KCNQ5: variants seen among roughly 807,000 people sequenced by gnomAD.
The protein encoded by KCNQ5 is potassium voltage-gated channel subfamily Q member 5.
Under a neutral mutation model 98.2 loss-of-function variants are expected in KCNQ5, and 30 were observed. The ratio of observed to expected loss-of-function variants is 0.31; its 90% CI spans 0.23 to 0.41. KCNQ5 has a LOEUF of 0.41. Ranked by LOEUF, KCNQ5 falls within the 10% of genes least tolerant of loss-of-function variation. The pLI is 1.00. For synonymous variants in KCNQ5, 458 were observed against 449.4 expected, an observed-to-expected ratio of 1.02 and a Z score of -0.24; for missense variants, 835 against 1,182.5, an observed-to-expected ratio of 0.71 and a Z score of 4.31.
intron 1 of KCNQ5, among the ~76,000 whole-genome samples, chr6:72,738,983 A>G (rs1770992263): frequency 6.6e-6 from 1 of 152,242 alleles, no homozygotes; most frequent in Non-Finnish European, 1.5e-5. Context: ...TGAATATGTT[A>G]TACATTTGTC....
At chr6:73,192,518 A>G in intron 12 of KCNQ5, 47 bp from the exon 13 acceptor site, 1 of 1,523,690 alleles carries the variant, frequency 6.6e-7, no homozygotes. Context: ...ACCTAGGGCA[A>G]TCTCCACCTT....
At chr6:72,935,828 A>T (rs1305979706) in intron 1 of KCNQ5, among the ~76,000 whole-genome samples, 1 of 152,134 alleles carries the variant, frequency 6.6e-6, no homozygotes, top group Non-Finnish European at 1.5e-5. Flanking sequence ...ATTCAATGAC[A>T]TCTCATCTGC....
chr6:73,111,835 G>C (rs1775254014), intron 7 of KCNQ5, among the ~76,000 whole-genome samples: 1 of 152,174 alleles, frequency 6.6e-6, no homozygotes. Flanking sequence ...TATTTGTTTA[G>C]AATGTCAAGG....
At chr6:72,963,118 A>G (rs1767453967) in intron 1 of KCNQ5, among the ~76,000 whole-genome samples, 1 of 152,242 alleles carries the variant, frequency 6.6e-6, no homozygotes, top group African/African-American at 2.4e-5. Flanking sequence ...CAGTTGGTTG[A>G]GTTTATGTGA....
chr6:72,999,233 A>G (rs1339935482), intron 1 of KCNQ5, among the ~76,000 whole-genome samples: 1 of 152,052 alleles, frequency 6.6e-6, no homozygotes, highest in African/African-American at 2.4e-5. Flanking sequence ...TTGATTCTTA[A>G]TTAACCCACA....
At chr6:72,816,857 A>G (rs903375063) in intron 1 of KCNQ5, among the ~76,000 whole-genome samples, 1 of 152,130 alleles carries the variant, frequency 6.6e-6, no homozygotes, top group African/African-American at 2.4e-5. Context: ...TCACAAGAGC[A>G]CTCCTCAAGG....
Position 73,157,661 on chromosome 6 carries a change from G to T in KCNQ5, c.1469-12085G>T, listed in dbSNP as rs138601734. 11 of 775,796 alleles carry T rather than the reference G, an allele frequency of 1.4e-5. No homozygotes were observed. The East Asian group carries it at 2.7e-4, about 19-fold the overall frequency. 48.1% of individuals were successfully genotyped at this position (775,796 alleles called of 1,614,324 possible). Reference sequence around the variant, plus strand: ...GGTGATGGCTGGGGTCAGCTCTGTGGTGTACAAAGGATAAGGGCCCAGGCC... The same window carrying T: ...GGTGATGGCTGGGGTCAGCTCTGTGTTGTACAAAGGATAAGGGCCCAGGCC... On this transcript the variant is annotated intron_variant, in intron 10 of 13. Transcript: ENST00000370398.
intron 2 of KCNQ5, among the ~76,000 whole-genome samples, chr6:73,021,659 T>G (rs1276955308): frequency 6.6e-6 from 1 of 152,196 alleles, no homozygotes; most frequent in Admixed American, 6.5e-5. Flanking sequence ...ATGAGTAGAT[T>G]CAGGTTTTTC....
intron 2 of KCNQ5, among the ~76,000 whole-genome samples, chr6:73,037,918 G>C (rs965335713): frequency 6.6e-6 from 1 of 152,014 alleles, no homozygotes; most frequent in African/African-American, 2.4e-5. Flanking sequence ...AAAAAACTTT[G>C]CTGAGATTTT....
At chr6:72,903,738 T>G (rs190333342) in intron 1 of KCNQ5, among the ~76,000 whole-genome samples, 42 of 152,322 alleles carry the variant, frequency 2.8e-4, no homozygotes, top group African/African-American at 1.0e-3. Flanking sequence ...TGAGGCTTGT[T>G]TGTGGCCTAT....
chr6:73,023,947 G>A (rs1312786083), intron 2 of KCNQ5, among the ~76,000 whole-genome samples: 1 of 152,122 alleles, frequency 6.6e-6, no homozygotes, highest in Non-Finnish European at 1.5e-5. Context: ...AAGGACAAAG[G>A]GATGGAATTC....
intron 5 of KCNQ5, among the ~76,000 whole-genome samples, chr6:73,082,750 C>T (rs547728534): frequency 6.6e-6 from 1 of 152,252 alleles, no homozygotes; most frequent in South Asian, 2.1e-4. Flanking sequence ...CACTGACTGG[C>T]CAGATTAACC....
chr6:72,736,402 T>G (rs1480594015), intron 1 of KCNQ5, among the ~76,000 whole-genome samples: 3 of 151,726 alleles, frequency 2.0e-5, no homozygotes, highest in Admixed American at 2.0e-4. Context: ...GAATATAAAT[T>G]GCTAAGAAAA....
intron 1 of KCNQ5, among the ~76,000 whole-genome samples, chr6:72,954,002 C>T (rs761846638): frequency 7.2e-5 from 11 of 152,144 alleles, no homozygotes; most frequent in South Asian, 2.1e-4. Context: ...AGAACAGAGG[C>T]GAAACTGAGT....
intron 7 of KCNQ5, among the ~76,000 whole-genome samples, chr6:73,116,293 C>A (rs1370612493): frequency 6.6e-6 from 1 of 152,018 alleles, no homozygotes; most frequent in African/African-American, 2.4e-5. Flanking sequence ...ATATCATTAT[C>A]GTTCAGGATA....
At chr6:72,666,191 C>T (rs1237395866) in intron 1 of KCNQ5, among the ~76,000 whole-genome samples, 1 of 148,090 alleles carries the variant, frequency 6.8e-6, no homozygotes, top group Non-Finnish European at 1.5e-5. Flanking sequence ...AGTTAAATAT[C>T]ATTCATTTTT....
rs552434638 is a variant in KCNQ5 at position 72,649,905 on chromosome 6, C to T, written c.398+27318C>T. Among the ~76,000 whole-genome samples, 5 of 152,162 alleles carry T rather than the reference C, an allele frequency of 3.3e-5. No homozygotes were observed. The South Asian group carries it at 1.0e-3, about 32-fold the overall frequency. On this transcript the variant is annotated intron_variant, in intron 1 of 13. Coordinates refer to ENST00000370398, the MANE Select transcript of KCNQ5 (RefSeq NM_019842.4). Reference sequence around the variant, plus strand: ...GAAATGAAATCCCAGAAGCTTGGTTCCTTGAATAAATATTGCAGCAACTGA... The same window carrying T: ...GAAATGAAATCCCAGAAGCTTGGTTTCTTGAATAAATATTGCAGCAACTGA...
intron 1 of KCNQ5, among the ~76,000 whole-genome samples, chr6:72,805,712 A>G (rs1774920460): frequency 6.6e-6 from 1 of 152,050 alleles, no homozygotes; most frequent in Non-Finnish European, 1.5e-5. Flanking sequence ...GAAGAATGTA[A>G]TTAGTATTTT....
chr6:72,622,125 G>A lies in KCNQ5; in HGVS notation c.-65G>A, dbSNP rs1273896228. 3.3e-6 allele frequency: 4 copies of A among 1,197,798 alleles called. No individual in the cohort carries two copies. The African/African-American group carries it at 6.3e-5, about 19-fold the overall frequency. The allele number at this position is 1,197,798 out of a possible 1,614,324, so 74.2% of individuals were successfully genotyped here. ...GGCTTCCTCCTTGAAACCCGCCGGC[G>A]CACATGAGGCCGCTGCCCCCGCCGC... On this transcript the variant is annotated 5_prime_UTR_variant, in exon 1 of 14. Coordinates refer to ENST00000370398, the MANE Select transcript of KCNQ5 (RefSeq NM_019842.4). This position sits in a 1 kb window ranked among gnomAD's most constrained non-coding sequence, Gnocchi z 6.0.
Sources: gnomAD v4.1 joint callset for allele counts (sites outside exome capture counted in the v4.1 genomes callset) on GRCh38, gnomAD v4.1.1 for gene constraint, Gnocchi (gnomAD v3.1) non-coding constraint, MANE v1.5 for transcripts, NCBI Gene and HGNC (gene_info 2026-07-23, HGNC 2026-07-21) for gene names.